Variants in VAPB observed in about 807,000 individuals in gnomAD.
The protein encoded by VAPB is VAMP associated protein B and C.
In VAPB, 7 loss-of-function variants were observed where a neutral mutation model predicts 25.6. The observed-to-expected ratio is 0.27, with a 90% CI of 0.16 to 0.51. The LOEUF is 0.51. Among genes scored for constraint, VAPB ranks in the 20% least tolerant of loss-of-function variants. VAPB has a pLI of 0.97. For synonymous variants in VAPB, 112 were observed against 109.2 expected, an observed-to-expected ratio of 1.03 and a Z score of -0.16; for missense variants, 266 against 301.3, an observed-to-expected ratio of 0.88 and a Z score of 0.87.
chr20:58,429,073 C>T (rs888620195), intron 2 of VAPB, among the ~76,000 whole-genome samples: 7 of 151,394 alleles, frequency 4.6e-5, no homozygotes, highest in African/African-American at 1.2e-4. Flanking sequence ...CGTGTAAATG[C>T]GAAGAGATTT....
chr20:58,450,470 A>G lies in VAPB; in HGVS notation c.*6235A>G, dbSNP rs1989419751. The G allele has an allele frequency of 4.4e-6, 2 of 453,772 alleles. No individual in the cohort carries two copies. Among genetic ancestry groups the G allele is most frequent in the African/African-American group, 2.0e-5 (1 of 49,912 alleles). The allele number at this position is 453,772 out of a possible 1,614,324, so 28.1% of individuals were successfully genotyped here. ...GATGATACACCGAGAGAAAAATGCA[A>G]AATATATTTGGTTCTCATTTCTGTT... On this transcript the variant is annotated 3_prime_UTR_variant, in exon 6 of 6. Coordinates refer to ENST00000475243, the MANE Select transcript of VAPB (RefSeq NM_004738.5).
intron 1 of VAPB, among the ~76,000 whole-genome samples, chr20:58,407,348 A>G (rs1344529870): frequency 6.6e-6 from 1 of 152,238 alleles, no homozygotes; most frequent in Non-Finnish European, 1.5e-5. Flanking sequence ...TTTATAAATT[A>G]TACAAGCATG....
intron 2 of VAPB, among the ~76,000 whole-genome samples, chr20:58,427,479 A>G (rs1281979338): frequency 1.3e-5 from 2 of 151,974 alleles, no homozygotes; most frequent in Non-Finnish European, 2.9e-5. Context: ...GGTGAAAGTG[A>G]TCCGTGATCT....
At chr20:58,430,131 A>G (rs1353776457) in intron 2 of VAPB, among the ~76,000 whole-genome samples, 1 of 148,070 alleles carries the variant, frequency 6.8e-6, no homozygotes, top group Non-Finnish European at 1.5e-5. Context: ...GAAAATTCAT[A>G]TAATTATTTA....
At position 58,445,533 on chromosome 20, in the gene VAPB, TAAA is replaced by T. The variant is rs763757947; in HGVS notation, c.*1299_*1301del. ...AGCATCTTGAAAAGAAAAATTATAA[TAAA>T]GCCCCAAAATTAAGAATTCTTTTGT... is the stretch of plus-strand genomic sequence containing the variant. On this transcript the variant is annotated 3_prime_UTR_variant, in exon 6 of 6. Coordinates refer to ENST00000475243, the MANE Select transcript of VAPB (RefSeq NM_004738.5). 4.4e-6 allele frequency: 2 copies of T among 454,462 alleles called. No individual in the cohort carries two copies. Among genetic ancestry groups the T allele is most frequent in the South Asian group, 3.1e-5 (2 of 64,418 alleles). 28.2% of individuals were successfully genotyped at this position (454,462 alleles called of 1,614,324 possible). A position where few individuals can be genotyped will look rare whatever the true frequency, so the allele number is the denominator to read the frequency against.
Position 58,445,719 on chromosome 20 carries a change from T to C in VAPB, c.*1484T>C, listed in dbSNP as rs1176921105. 4.5e-6 allele frequency: 2 copies of C among 441,284 alleles called. No individual in the cohort carries two copies. Among genetic ancestry groups the C allele is most frequent in the Middle Eastern group, 1.4e-3 (2 of 1,414 alleles). 27.3% of individuals were successfully genotyped at this position (441,284 alleles called of 1,614,324 possible). ...GTGTGTGTGTGTGTGTGTGTGTGTG[T>C]GTATTTTTTTTTTGGTTGTCTTCAG... is the stretch of plus-strand genomic sequence containing the variant. On this transcript the variant is annotated 3_prime_UTR_variant, in exon 6 of 6. Transcript: ENST00000475243.
At chr20:58,389,638 G>A (rs1359163495) in intron 1 of VAPB, 121 bp downstream of exon 1, 2 of 1,100,280 alleles carry the variant, frequency 1.8e-6, no homozygotes, top group Admixed American at 4.2e-5. Context: ...TGTCGCGGGG[G>A]GCGGCGAGGC....
rs371972882 is a variant in VAPB, at chr20:58,438,930, T to C, written c.316-15T>C. The C allele has an allele frequency of 1.2e-6, 2 of 1,608,358 alleles. No individual in the cohort carries two copies. The highest frequency in any genetic ancestry group is 1.1e-5 in the South Asian group (1 of 90,922). ...GGTTTATAATATCTTGATTATTAAA[T>C]TTAAATTGTTTTAGTGGAAGGAGGC... On this transcript the variant is annotated splice_polypyrimidine_tract_variant and intron_variant, in intron 3 of 5. Transcript: ENST00000475243.
intron 1 of VAPB, among the ~76,000 whole-genome samples, chr20:58,417,178 C>G (rs1988560171): frequency 6.6e-6 from 1 of 152,114 alleles, no homozygotes; most frequent in African/African-American, 2.4e-5. Context: ...TGAAAAAGAC[C>G]TAAGTTTTTG....
chr20:58,450,452 C>G lies in VAPB; in HGVS notation c.*6217C>G, dbSNP rs1327858594. On this transcript the variant is annotated 3_prime_UTR_variant, in exon 6 of 6. Transcript: ENST00000475243. ...CTAAGTAAGGTGACTCAAGATGATACACCGAGAGAAAAATGCAAAATATAT... is the reference window on the plus strand; with the variant it reads ...CTAAGTAAGGTGACTCAAGATGATAGACCGAGAGAAAAATGCAAAATATAT... 2 of 453,852 alleles carry G rather than the reference C, an allele frequency of 4.4e-6. No homozygotes were observed. Among genetic ancestry groups the G allele is most frequent in the Admixed American group, 2.4e-5 (1 of 42,532 alleles). 28.1% of individuals were successfully genotyped at this position (453,852 alleles called of 1,614,324 possible).
intron 2 of VAPB, among the ~76,000 whole-genome samples, chr20:58,425,878 T>G (rs1040816695): frequency 6.6e-6 from 1 of 152,158 alleles, no homozygotes; most frequent in African/African-American, 2.4e-5. Context: ...AATTCTTATT[T>G]AAATTTTATT....
intron 1 of VAPB, among the ~76,000 whole-genome samples, chr20:58,407,855 G>A (rs1397345573): frequency 6.6e-6 from 1 of 150,792 alleles, no homozygotes; most frequent in Non-Finnish European, 1.5e-5. Context: ...AATTTTTATT[G>A]TAAGTAAGAG....
At position 58,448,242 on chromosome 20, in the gene VAPB, C is replaced by A. The variant is rs1398425806; in HGVS notation, c.*4007C>A. On this transcript the variant is annotated 3_prime_UTR_variant, in exon 6 of 6. Transcript: ENST00000475243. The stretch of plus-strand genomic sequence containing the variant: ...ACAAATCCCATAAGGCCAACGACCA[C>A]TCTTCTGGAACACCAAGAGCAGCTC... 6.6e-6 allele frequency: 3 copies of A among 454,096 alleles called. No individual in the cohort carries two copies. The Admixed American group carries it at 7.0e-5, about 11-fold the overall frequency. 28.1% of individuals were successfully genotyped at this position (454,096 alleles called of 1,614,324 possible).
In VAPB at chr20:58,446,780, T is replaced by G. The variant is rs1029571554; in HGVS notation, c.*2545T>G. 10 of 453,984 alleles carry G rather than the reference T, an allele frequency of 2.2e-5. No individual in the cohort carries two copies. The highest frequency in any genetic ancestry group is 1.6e-4 in the South Asian group (10 of 64,470). 28.1% of individuals were successfully genotyped at this position (453,984 alleles called of 1,614,324 possible). ...AGAAACAGGTGACTGATGGGAAGGT[T>G]GATTATTTTCTCAGTCATCCTGGCA... On this transcript the variant is annotated 3_prime_UTR_variant, in exon 6 of 6. Transcript: ENST00000475243.
chr20:58,443,406 T>TG (rs1388078602), intron 5 of VAPB, among the ~76,000 whole-genome samples: 5 of 149,444 alleles, frequency 3.3e-5, no homozygotes, highest in Non-Finnish European at 4.4e-5. Context: ...AGGTTTTTTT[T>TG]TTTTTTTTTT....
At chr20:58,432,847 C>G (rs1005350933) in intron 2 of VAPB, among the ~76,000 whole-genome samples, 18 of 152,334 alleles carry the variant, frequency 1.2e-4, no homozygotes, top group Middle Eastern at 3.4e-3. Context: ...AAGGTCAGCT[C>G]TTGCCAGCTC....
At position 58,445,933 on chromosome 20, in the gene VAPB, G is replaced by C. The variant is rs1160331970; in HGVS notation, c.*1698G>C. ...GTTTGAGAGGACAAGTTCATCAGAAGGAAGGCAGTCCTTAGAAGTCACATA... is the reference window on the plus strand; with the variant it reads ...GTTTGAGAGGACAAGTTCATCAGAACGAAGGCAGTCCTTAGAAGTCACATA... On this transcript the variant is annotated 3_prime_UTR_variant, in exon 6 of 6. Transcript: ENST00000475243. 2.2e-6 allele frequency: 1 copy of C among 454,066 alleles called. No homozygotes were observed. Among genetic ancestry groups the C allele is most frequent in the South Asian group, 1.6e-5 (1 of 64,478 alleles). 28.1% of individuals were successfully genotyped at this position (454,066 alleles called of 1,614,324 possible).
intron 2 of VAPB, among the ~76,000 whole-genome samples, chr20:58,426,346 C>A (rs906234390): frequency 6.6e-6 from 1 of 152,152 alleles, no homozygotes; most frequent in African/African-American, 2.4e-5. Flanking sequence ...TACAGACATG[C>A]ACCACCATGC....
chr20:58,412,192 A>G (rs2123046231), intron 1 of VAPB, among the ~76,000 whole-genome samples: 1 of 152,282 alleles, frequency 6.6e-6, no homozygotes, highest in South Asian at 2.1e-4. Context: ...ATCCAAGGCC[A>G]TCTAGATTTT....
Sources: gnomAD v4.1 joint callset for allele counts (sites outside exome capture counted in the v4.1 genomes callset) on GRCh38, gnomAD v4.1.1 for gene constraint, MANE v1.5 for transcripts, NCBI Gene and HGNC (gene_info 2026-07-23, HGNC 2026-07-21) for gene names.